Variants in SCAP observed in about 807,000 individuals in gnomAD.
SCAP encodes the protein SREBF chaperone, also known as sterol regulatory element-binding protein cleavage-activating protein.
SCAP carries 65 observed loss-of-function variants against 123.6 expected under a neutral mutation model. The ratio of observed to expected loss-of-function variants is 0.53; its 90% CI spans 0.43 to 0.65. The LOEUF (loss-of-function observed/expected upper bound fraction) is 0.65. Among genes scored for constraint, SCAP ranks in the 30% least tolerant of loss-of-function variants. The pLI is 0.00. For synonymous variants in SCAP, 740 were observed against 726.3 expected, an observed-to-expected ratio of 1.02 and a Z score of -0.30; for missense variants, 1,398 against 1,712.5, an observed-to-expected ratio of 0.82 and a Z score of 3.24.
intron 2 of SCAP, among the ~76,000 whole-genome samples, chr3:47,436,668 A>G (rs1177538388): frequency 6.6e-6 from 1 of 152,230 alleles, no homozygotes; most frequent in Non-Finnish European, 1.5e-5. Flanking sequence ...GTTGGCAAAT[A>G]GATGTACATT....
chr3:47,432,752 A>G (rs1706418024), intron 3 of SCAP, among the ~76,000 whole-genome samples: 1 of 152,158 alleles, frequency 6.6e-6, no homozygotes, highest in South Asian at 2.1e-4. Flanking sequence ...ATCATGGCTC[A>G]CTGCAGCCTT....
chr3:47,473,089 A>AAAAAAAAAAAAAAAAC (rs1416676813), intron 1 of SCAP, among the ~76,000 whole-genome samples: 2 of 145,906 alleles, frequency 1.4e-5, no homozygotes, highest in African/African-American at 5.1e-5. Context: ...TCAAAAAAAA[A>AAAAAAAAAAAAAAAAC]AAAAAAAAAA....
chr3:47,449,531 C>T (rs1220791015), intron 1 of SCAP, among the ~76,000 whole-genome samples: 1 of 124,262 alleles, frequency 8.0e-6, no homozygotes. Flanking sequence ...TACACAATTA[C>T]GTGGAGGGCC....
chr3:47,434,762 G>T (rs531163870), intron 3 of SCAP: 18 of 357,408 alleles, frequency 5.0e-5, no homozygotes, highest in Admixed American at 8.6e-5. Flanking sequence ...ACTTGAACCC[G>T]GGAGGCGGAG....
At chr3:47,454,111 T>C (rs919237246) in intron 1 of SCAP, among the ~76,000 whole-genome samples, 1 of 152,204 alleles carries the variant, frequency 6.6e-6, no homozygotes, top group African/African-American at 2.4e-5. Context: ...CTCATGCCTG[T>C]AATCCCAGCA....
intron 1 of SCAP, among the ~76,000 whole-genome samples, chr3:47,473,094 A>AAAAAC (rs1553652470): frequency 2.7e-5 from 4 of 147,228 alleles, no homozygotes; most frequent in Non-Finnish European, 6.0e-5. Context: ...AAAAAAAAAA[A>AAAAAC]AAAAACAGAC....
chr3:47,434,268 G>GC (rs1706481176), intron 3 of SCAP, among the ~76,000 whole-genome samples: 1 of 152,216 alleles, frequency 6.6e-6, no homozygotes, highest in Non-Finnish European at 1.5e-5. Flanking sequence ...AACAGATTCA[G>GC]CAAGTCCAGC....
chr3:47,426,036 T>A lies in SCAP; in HGVS notation c.871A>T (p.Thr291Ser), dbSNP rs1706113138. 1 of 1,614,056 alleles carries A rather than the reference T, an allele frequency of 6.2e-7. No individual in the cohort carries two copies. Among genetic ancestry groups the A allele is most frequent in the East Asian group, 2.2e-5 (1 of 44,886 alleles). ...ATGTAGGCAAACAAGATGATGTAGG[T>A]GGTCACAAGGGGGATGAGCTCAGCG... ...GVAELIPLVT[T>S]YIILFAYIYF... Residue 291 changes from threonine to serine, a missense_variant, in exon 7 of 23, where the codon ACC becomes TCC. Physicochemically the swap from Thr to Ser is moderately conservative, Grantham distance 58. Coordinates refer to ENST00000265565, the MANE Select transcript of SCAP (RefSeq NM_012235.4).
intron 2 of SCAP, among the ~76,000 whole-genome samples, chr3:47,440,690 G>A (rs777684147): frequency 3.3e-5 from 5 of 152,016 alleles, no homozygotes; most frequent in Admixed American, 1.3e-4. Flanking sequence ...GCAACATGGC[G>A]AAACCCCAGC....
At chr3:47,415,074 C>T in intron 19 of SCAP, 24 bp downstream of exon 19, 1 of 1,587,570 alleles carries the variant, frequency 6.3e-7, no homozygotes, top group Non-Finnish European at 8.5e-7. Context: ...AGTGTGAACA[C>T]CTGCCCACCC....
rs546556790 is a variant in SCAP at position 47,422,679 on chromosome 3, C to G, written c.1151-143G>C. The G allele has an allele frequency of 4.1e-5, 25 of 611,316 alleles. No homozygotes were observed. The African/African-American group carries it at 4.5e-4, about 11-fold the overall frequency. 37.9% of individuals were successfully genotyped at this position (611,316 alleles called of 1,614,324 possible). ...GAGCCATTCCACCAAAGCACCCCAA[C>G]CCTCAGGGTCCTGCTAATGCCCAGA... On this transcript the variant is annotated intron_variant, in intron 9 of 22. Transcript: ENST00000265565.
chr3:47,429,682 T>TTCCA (rs1706283730), intron 3 of SCAP, among the ~76,000 whole-genome samples: 17 of 152,210 alleles, frequency 1.1e-4, no homozygotes, highest in Admixed American at 1.1e-3. Context: ...GGCTGGTTAG[T>TTCCA]GCCTGTTTTT....
chr3:47,471,072 GCTCT>G (rs1211423254), intron 1 of SCAP, among the ~76,000 whole-genome samples: 1 of 152,054 alleles, frequency 6.6e-6, no homozygotes, highest in African/African-American at 2.4e-5. Context: ...AGGGCTTATT[GCTCT>G]CTATTTGGAT....
intron 1 of SCAP, among the ~76,000 whole-genome samples, chr3:47,463,074 A>G (rs1443822459): frequency 6.6e-6 from 1 of 152,144 alleles, no homozygotes; most frequent in African/African-American, 2.4e-5. Flanking sequence ...AAGCACTTCA[A>G]ATCTAACAAG....
chr3:47,451,008 A>G (rs1707213403), intron 1 of SCAP, among the ~76,000 whole-genome samples: 1 of 119,086 alleles, frequency 8.4e-6, no homozygotes, highest in African/African-American at 2.9e-5. Context: ...CACCATGGCC[A>G]GCTAATTAAA....
At chr3:47,449,107 G>A (rs1485201534) in intron 1 of SCAP, among the ~76,000 whole-genome samples, 2 of 152,082 alleles carry the variant, frequency 1.3e-5, no homozygotes, top group South Asian at 2.1e-4. Context: ...CAAGCATACC[G>A]TCCAGGGGCC....
At position 47,419,438 on chromosome 3, in the gene SCAP, G is replaced by A; in HGVS notation, c.1830C>T (p.Ser610=). The change falls in exon 13 of 23, where the codon AGC becomes AGT. Residue 610 remains serine (S), a synonymous_variant. Transcript: ENST00000265565. The surrounding 1 kb of genome is among the most constrained non-coding windows in gnomAD (Gnocchi z 5.0). Reference sequence around the variant, plus strand: ...GCCCCCAGGTTACCTCTGGGACTGGGCTGTCATGGACAACCTCTGCTGGAC... The same window carrying A: ...GCCCCCAGGTTACCTCTGGGACTGGACTGTCATGGACAACCTCTGCTGGAC... The part of the protein sequence containing the change: ...RGGPAEVVHD[S]PVPEVTWGPE... The A allele has an allele frequency of 6.2e-7, 1 of 1,613,968 alleles. No individual in the cohort carries two copies. Among genetic ancestry groups the A allele is most frequent in the African/African-American group, 1.3e-5 (1 of 75,052 alleles).
intron 9 of SCAP, chr3:47,422,768 G>A: frequency 4.4e-6 from 2 of 450,460 alleles, no homozygotes; most frequent in Non-Finnish European, 7.9e-6. Context: ...CCTGGAGGGT[G>A]CAGAGGAGAG....
chr3:47,462,393 A>G (rs939921668), intron 1 of SCAP, among the ~76,000 whole-genome samples: 4 of 152,158 alleles, frequency 2.6e-5, no homozygotes, highest in Non-Finnish European at 5.9e-5. Flanking sequence ...AGGCACACGC[A>G]GTGAAGCCTC....
Sources: allele counts gnomAD v4.1 joint callset (sites outside exome capture counted in the v4.1 genomes callset), GRCh38; gene constraint gnomAD v4.1.1; non-coding constraint Gnocchi (gnomAD v3.1); transcripts MANE v1.5; gene names NCBI Gene and HGNC (gene_info 2026-07-23, HGNC 2026-07-21).